The following BCKDHB variants were observed in gnomAD, a reference collection of about 807,000 sequenced individuals.
BCKDHB encodes the protein branched chain keto acid dehydrogenase E1 subunit beta.
BCKDHB carries 41 observed loss-of-function variants against 48.5 expected under a neutral mutation model. The ratio of observed to expected loss-of-function variants is 0.85; its 90% CI spans 0.66 to 1.10. The LOEUF is 1.10. BCKDHB is among the 50% of genes least tolerant of loss of function. The pLI is 0.00. For synonymous variants in BCKDHB, 201 were observed against 174.8 expected, an observed-to-expected ratio of 1.15 and a Z score of -1.18; for missense variants, 496 against 494.2, an observed-to-expected ratio of 1.00 and a Z score of -0.03.
chr6:80,390,764 T>G, the BCKDHB span, among the ~76,000 whole-genome samples: 1 of 152,098 alleles, frequency 6.6e-6, no homozygotes. Flanking sequence ...GGGGTGGACT[T>G]ATGATGGTTA....
At chr6:80,243,561 A>G (rs1776483816) in intron 8 of BCKDHB, among the ~76,000 whole-genome samples, 2 of 152,144 alleles carry the variant, frequency 1.3e-5, no homozygotes, top group Admixed American at 1.3e-4. Flanking sequence ...GAGTGAGGGT[A>G]TCACTCTGTC....
intron 8 of BCKDHB, among the ~76,000 whole-genome samples, chr6:80,270,043 T>G (rs1436177464): frequency 6.6e-6 from 1 of 152,110 alleles, no homozygotes; most frequent in East Asian, 1.9e-4. Flanking sequence ...TTTTGTAGAT[T>G]TATAATGATC....
At chr6:80,424,095 G>T in the BCKDHB span, among the ~76,000 whole-genome samples, 1 of 152,068 alleles carries the variant, frequency 6.6e-6, no homozygotes, top group South Asian at 2.1e-4. Flanking sequence ...CTATAGTTCT[G>T]CCAACTGTCT....
At chr6:80,304,127 TTGTGAAAATTCGAA>T (rs1306873072) in intron 9 of BCKDHB, among the ~76,000 whole-genome samples, 1 of 152,150 alleles carries the variant, frequency 6.6e-6, no homozygotes, top group Non-Finnish European at 1.5e-5. Context: ...TACTTTATGC[TTGTGAAAATTCGAA>T]CACAGTATAA....
chr6:80,342,651 C>T (rs900823791), intron 9 of BCKDHB, among the ~76,000 whole-genome samples: 2 of 147,752 alleles, frequency 1.4e-5, no homozygotes, highest in Non-Finnish European at 3.0e-5. Flanking sequence ...CAAAGGAAGG[C>T]GTCGGTGATG....
chr6:80,374,450 A>G, the BCKDHB span: 3 of 758,590 alleles, frequency 4.0e-6, no homozygotes, highest in Non-Finnish European at 7.4e-6. Flanking sequence ...CTTTTCATAT[A>G]TGCATACCCT....
chr6:80,178,875 C>T lies in BCKDHB; in HGVS notation c.742+7485C>T, dbSNP rs113747492. On this transcript the variant is annotated intron_variant, in intron 6 of 9. Coordinates refer to ENST00000320393, the MANE Select transcript of BCKDHB (RefSeq NM_183050.4). ...AAGACATTTTGACACCAGAGGCTGC[C>T]GTCTTTCTAATACTACCCTATTTTG... 2.4e-4 allele frequency among the ~76,000 whole-genome samples: 37 copies of T among 152,204 alleles called. No individual in the cohort carries two copies. The East Asian group carries it at 3.7e-3, about 15-fold the overall frequency.
intron 1 of BCKDHB, among the ~76,000 whole-genome samples, chr6:80,117,685 C>G (rs1290016689): frequency 6.6e-6 from 1 of 152,246 alleles, no homozygotes; most frequent in African/African-American, 2.4e-5. Flanking sequence ...CGATCTGTGC[C>G]TTAAGGACAT....
chr6:80,416,823 G>T, the BCKDHB span, among the ~76,000 whole-genome samples: 2 of 150,502 alleles, frequency 1.3e-5, no homozygotes, highest in Non-Finnish European at 1.5e-5. Flanking sequence ...GGTATTCTGG[G>T]TTTTTATTTG....
chr6:80,189,470 A>G (rs1187053326), intron 6 of BCKDHB, among the ~76,000 whole-genome samples: 1 of 152,226 alleles, frequency 6.6e-6, no homozygotes, highest in African/African-American at 2.4e-5. Flanking sequence ...CAGTGACATT[A>G]ACAATGCCCA....
the BCKDHB span, among the ~76,000 whole-genome samples, chr6:80,364,074 G>A: frequency 6.6e-6 from 1 of 152,186 alleles, no homozygotes; most frequent in African/African-American, 2.4e-5. Context: ...TCTTTATAAA[G>A]TTTGAAATAA....
At chr6:80,318,706 A>T (rs1768565053) in intron 9 of BCKDHB, among the ~76,000 whole-genome samples, 1 of 138,384 alleles carries the variant, frequency 7.2e-6, no homozygotes, top group South Asian at 2.1e-4. Flanking sequence ...AAAAAAAAAG[A>T]AAAGAAATTA....
intron 8 of BCKDHB, among the ~76,000 whole-genome samples, chr6:80,248,902 ATG>A (rs3077568): frequency 0.76 from 112,169 of 146,656 alleles, 43,310 homozygotes; most frequent in Admixed American, 0.85. Flanking sequence ...GTGTGTGTGT[ATG>A]TGTGTGTGTG....
At chr6:80,203,362 G>T in intron 8 of BCKDHB, 150 bp downstream of exon 8, 1 of 658,358 alleles carries the variant, frequency 1.5e-6, no homozygotes, top group East Asian at 2.7e-5. Flanking sequence ...AAAGAAAGTT[G>T]TATAAACAGC....
At chr6:80,398,785 A>G in the BCKDHB span, among the ~76,000 whole-genome samples, 57 of 152,172 alleles carry the variant, frequency 3.7e-4, 1 homozygote, top group South Asian at 0.012. Context: ...AGAGATACAA[A>G]AACAACAGCA....
chr6:80,181,330 C>T (rs1773402967), intron 6 of BCKDHB, among the ~76,000 whole-genome samples: 1 of 152,106 alleles, frequency 6.6e-6, no homozygotes, highest in African/African-American at 2.4e-5. Flanking sequence ...CATTGGTTTA[C>T]AATGGCTTAC....
At chr6:80,175,033 A>G (rs1391966876) in intron 6 of BCKDHB, among the ~76,000 whole-genome samples, 9 of 152,212 alleles carry the variant, frequency 5.9e-5, no homozygotes, top group African/African-American at 2.2e-4. Context: ...TATCTCTAAT[A>G]TAAATGTCTA....
the BCKDHB span, among the ~76,000 whole-genome samples, chr6:80,446,720 ATTTTTTTTTTT>A: frequency 7.2e-5 from 8 of 111,362 alleles, no homozygotes; most frequent in East Asian, 3.2e-4. Context: ...CTTCTGGACA[ATTTTTTTTTTT>A]TTTTTTTTTT....
chr6:80,343,852 C>A lies in BCKDHB; in HGVS notation c.*48C>A. ...TGAGAAAGCTACTATGTGCCCCTGA[C>A]ATTAACGTACTGTTAACCAAGACAC... On this transcript the variant is annotated 3_prime_UTR_variant, in exon 10 of 10. Coordinates refer to ENST00000320393, the MANE Select transcript of BCKDHB (RefSeq NM_183050.4). 1 of 1,596,754 alleles carries A rather than the reference C, an allele frequency of 6.3e-7. No individual in the cohort carries two copies. Among genetic ancestry groups the A allele is most frequent in the Non-Finnish European group, 8.6e-7 (1 of 1,164,508 alleles).
Sources: allele counts gnomAD v4.1 joint callset (sites outside exome capture counted in the v4.1 genomes callset), GRCh38; gene constraint gnomAD v4.1.1; transcripts MANE v1.5; gene names NCBI Gene and HGNC (gene_info 2026-07-23, HGNC 2026-07-21).